The following KCNMA1 variants were observed in gnomAD, a reference collection of about 807,000 sequenced individuals.
KCNMA1 encodes Calcium-activated potassium channel subunit alpha-1.
In KCNMA1, 29 loss-of-function variants were observed where a neutral mutation model predicts 140.0. That is an observed-to-expected ratio of 0.21 (90% CI 0.15 to 0.28). The LOEUF is 0.28. Ranked by LOEUF, KCNMA1 falls within the 10% of genes least tolerant of loss-of-function variation. The probability of loss-of-function intolerance (pLI) is 1.00; values close to 1 mark genes in which losing one functional copy is unlikely to be tolerated. For missense variants in KCNMA1, 880 were observed against 1,602.2 expected, an observed-to-expected ratio of 0.55 and a Z score of 7.70; for synonymous variants, 612 against 611.9, an observed-to-expected ratio of 1.00 and a Z score of 0.00.
chr10:77,271,357 C>T (rs574108492), intron 2 of KCNMA1, among the ~76,000 whole-genome samples: 2 of 152,272 alleles, frequency 1.3e-5, no homozygotes, highest in Admixed American at 1.3e-4. Flanking sequence ...AACTCTCATT[C>T]TGCTGGTCCA....
intron 1 of KCNMA1, among the ~76,000 whole-genome samples, chr10:77,490,557 GTA>G (rs2098520121): frequency 6.6e-6 from 1 of 152,238 alleles, no homozygotes; most frequent in Non-Finnish European, 1.5e-5. Flanking sequence ...GATAGAGTGT[GTA>G]GAGTGCCTAC....
intron 1 of KCNMA1, among the ~76,000 whole-genome samples, chr10:77,476,959 G>C (rs936622274): frequency 1.3e-5 from 2 of 152,194 alleles, no homozygotes; most frequent in African/African-American, 4.8e-5. Flanking sequence ...TACCCTCCCA[G>C]AATTCATAGT....
intron 5 of KCNMA1, among the ~76,000 whole-genome samples, chr10:77,176,851 C>T (rs556923389): frequency 5.9e-5 from 9 of 152,222 alleles, no homozygotes; most frequent in East Asian, 1.9e-4. Context: ...AGGAAATGAA[C>T]GCAGCAGGCA....
chr10:77,486,044 C>A (rs1212578116), intron 1 of KCNMA1, among the ~76,000 whole-genome samples: 1 of 152,152 alleles, frequency 6.6e-6, no homozygotes, highest in African/African-American at 2.4e-5. Flanking sequence ...GGAGGCCATT[C>A]CCTGCTCACT....
rs113982374 is a variant in KCNMA1, at chr10:76,954,336, T to G, written c.2361-412A>C. On this transcript the variant is annotated intron_variant, in intron 20 of 27. Coordinates refer to ENST00000286628, the MANE Select transcript of KCNMA1 (RefSeq NM_001161352.2). ...ACACACCAAAGGGTTGCTATGAGCC[T>G]CGGCAATGAAGAGGAAGGAATAGGA... 2.0e-3 allele frequency among the ~76,000 whole-genome samples: 308 copies of G among 152,028 alleles called. 1 individual carries two copies. Among genetic ancestry groups the G allele is most frequent in the African/African-American group, 7.1e-3 (295 of 41,420 alleles).
At chr10:77,326,965 C>T (rs2084443957) in intron 2 of KCNMA1, among the ~76,000 whole-genome samples, 1 of 152,068 alleles carries the variant, frequency 6.6e-6, no homozygotes, top group Non-Finnish European at 1.5e-5. Flanking sequence ...CCCCAGTATA[C>T]CTGGGCCCCA....
chr10:77,575,372 C>T (rs1481513004), intron 1 of KCNMA1, among the ~76,000 whole-genome samples: 6 of 152,294 alleles, frequency 3.9e-5, no homozygotes, highest in African/African-American at 1.2e-4. Context: ...AGCAGGTTAT[C>T]GTCTTTACAG....
intron 2 of KCNMA1, among the ~76,000 whole-genome samples, chr10:77,304,954 G>C (rs1444043570): frequency 6.6e-6 from 1 of 152,196 alleles, no homozygotes; most frequent in Non-Finnish European, 1.5e-5. Flanking sequence ...CCAAGGTAAT[G>C]CTTCCCAGAC....
chr10:77,313,328 A>G (rs1477884046), intron 2 of KCNMA1, among the ~76,000 whole-genome samples: 1 of 152,130 alleles, frequency 6.6e-6, no homozygotes, highest in Non-Finnish European at 1.5e-5. Context: ...ATCAATATAC[A>G]ACAGTAATTA....
chr10:77,364,866 G>A (rs1024993443), intron 2 of KCNMA1, among the ~76,000 whole-genome samples: 3 of 152,164 alleles, frequency 2.0e-5, no homozygotes, highest in African/African-American at 7.2e-5. Context: ...TGATTAAACA[G>A]AGTTTTTACT....
chr10:76,943,164 T>C (rs1246749271), intron 23 of KCNMA1, among the ~76,000 whole-genome samples: 2 of 152,204 alleles, frequency 1.3e-5, no homozygotes, highest in Non-Finnish European at 2.9e-5. Context: ...TCTCACATCC[T>C]TTCTCGCCTG....
At chr10:77,254,018 GTC>G (rs2154255672) in intron 2 of KCNMA1, among the ~76,000 whole-genome samples, 1 of 152,176 alleles carries the variant, frequency 6.6e-6, no homozygotes, top group African/African-American at 2.4e-5. Flanking sequence ...TGTCAGTTTA[GTC>G]TCTCTCTTTC....
chr10:77,145,987 A>G (rs2098281048), intron 5 of KCNMA1, among the ~76,000 whole-genome samples: 1 of 152,176 alleles, frequency 6.6e-6, no homozygotes, highest in Admixed American at 6.5e-5. Flanking sequence ...AACGGTTAAA[A>G]TTGTCCTTGG....
intron 2 of KCNMA1, among the ~76,000 whole-genome samples, chr10:77,361,718 G>C (rs2093964325): frequency 6.6e-6 from 1 of 152,250 alleles, no homozygotes; most frequent in Non-Finnish European, 1.5e-5. Context: ...AGGAGCACTG[G>C]CTCCAGTTGG....
chr10:77,035,057 C>A (rs368287940), intron 15 of KCNMA1, among the ~76,000 whole-genome samples: 1 of 152,080 alleles, frequency 6.6e-6, no homozygotes, highest in African/African-American at 2.4e-5. Context: ...CGCAAGTGCT[C>A]ACCAAAAACA....
At chr10:77,565,145 T>C (rs2067764344) in intron 1 of KCNMA1, among the ~76,000 whole-genome samples, 1 of 152,152 alleles carries the variant, frequency 6.6e-6, no homozygotes, top group Non-Finnish European at 1.5e-5. Flanking sequence ...GGACCTTAAG[T>C]GTCCCCTAGT....
At position 77,027,374 on chromosome 10, in the gene KCNMA1, T is replaced by C. The variant is rs141023229; in HGVS notation, c.1928+449A>G. Among the ~76,000 whole-genome samples, 239 of 152,280 alleles carry C rather than the reference T, an allele frequency of 1.6e-3. 1 individual carries two copies. Among genetic ancestry groups the C allele is most frequent in the African/African-American group, 5.5e-3 (228 of 41,558 alleles). On this transcript the variant is annotated intron_variant, in intron 16 of 27. Coordinates refer to ENST00000286628, the MANE Select transcript of KCNMA1 (RefSeq NM_001161352.2). ...GTTGCACCGGGAGAAGCACATATGG[T>C]ACACAATAGGCTGCTTGTAATTTGG...
At chr10:77,113,251 T>G (rs2097369082) in intron 6 of KCNMA1, among the ~76,000 whole-genome samples, 1 of 152,268 alleles carries the variant, frequency 6.6e-6, no homozygotes, top group South Asian at 2.1e-4. Context: ...TTGGACATCA[T>G]GTACAGGAAT....
chr10:77,606,806 T>C (rs373527107), intron 1 of KCNMA1, among the ~76,000 whole-genome samples: 3 of 152,198 alleles, frequency 2.0e-5, no homozygotes, highest in African/African-American at 7.2e-5. Flanking sequence ...CAAGAGTTTA[T>C]CGTGTTCAGT....
Sources: allele counts gnomAD v4.1 joint callset (sites outside exome capture counted in the v4.1 genomes callset), GRCh38; gene constraint gnomAD v4.1.1; transcripts MANE v1.5; gene names NCBI Gene and HGNC (gene_info 2026-07-23, HGNC 2026-07-21).